The following GRM1 variants were observed in gnomAD, a reference collection of about 807,000 sequenced individuals.
GRM1 encodes the protein glutamate metabotropic receptor 1, also known as metabotropic glutamate receptor 1.
GRM1 carries 33 observed loss-of-function variants against 90.9 expected under a neutral mutation model. The observed-to-expected ratio is 0.36, with a 90% CI of 0.28 to 0.49. The LOEUF is 0.49. Among genes scored for constraint, GRM1 ranks in the 20% least tolerant of loss-of-function variants. The pLI is 0.99. For missense variants in GRM1, 1,190 were observed against 1,534.3 expected (o/e 0.78, Z 3.75); for synonymous variants, 700 against 613.2 (o/e 1.14, Z -2.09).
intron 3 of GRM1, among the ~76,000 whole-genome samples, chr6:146,325,696 G>A (rs1409243697): frequency 6.6e-6 from 1 of 151,994 alleles, no homozygotes; most frequent in Non-Finnish European, 1.5e-5. Context: ...CTATTATTAG[G>A]CATTATACTT....
At chr6:146,306,527 A>C (rs1416240390) in intron 3 of GRM1, among the ~76,000 whole-genome samples, 1 of 152,242 alleles carries the variant, frequency 6.6e-6, no homozygotes, top group Non-Finnish European at 1.5e-5. Context: ...GCCATCTTCA[A>C]CTGTAATATC....
chr6:146,426,695 C>A, intron 7 of GRM1: 1 of 883,614 alleles, frequency 1.1e-6, no homozygotes, highest in African/African-American at 1.6e-5. Context: ...CTTTCTCTCT[C>A]CTGGGTTTTT....
chr6:146,382,294 TATATAAGAG>T lies in GRM1; in HGVS notation c.1603-4587_1603-4579del, dbSNP rs200706208. ...TGTCACTTTGGGGGAAACTAGAACA[TATATAAGAG>T]ATATAAGAACCTAAGATTTAAAAAA... On this transcript the variant is annotated intron_variant, in intron 5 of 7. Coordinates refer to ENST00000282753, the MANE Select transcript of GRM1 (RefSeq NM_001278064.2). Among the ~76,000 whole-genome samples, 369 of 143,532 alleles carry T rather than the reference TATATAAGAG, an allele frequency of 2.6e-3. 8 individuals carry two copies. The East Asian group carries it at 0.029, about 11-fold the overall frequency. 94.2% of individuals were successfully genotyped at this position (143,532 alleles called of 152,430 possible).
intron 2 of GRM1, among the ~76,000 whole-genome samples, chr6:146,270,848 T>TC (rs1562570949): frequency 1.4e-4 from 19 of 136,238 alleles, no homozygotes; most frequent in African/African-American, 5.2e-4. Context: ...CCTTTCTTTC[T>TC]TTTTCTTTCT....
intron 3 of GRM1, among the ~76,000 whole-genome samples, chr6:146,341,953 A>G (rs1784996730): frequency 6.6e-6 from 1 of 152,200 alleles, no homozygotes; most frequent in Admixed American, 6.5e-5. Flanking sequence ...CACTCATTTA[A>G]TTAGAGTCTT....
At chr6:146,147,525 G>A (rs1417749291) in intron 1 of GRM1, among the ~76,000 whole-genome samples, 1 of 152,186 alleles carries the variant, frequency 6.6e-6, no homozygotes, top group Non-Finnish European at 1.5e-5. Context: ...CCTGGACAAA[G>A]TCATACTTTA....
chr6:146,143,644 C>T (rs1188780438), intron 1 of GRM1, among the ~76,000 whole-genome samples: 2 of 151,988 alleles, frequency 1.3e-5, no homozygotes, highest in African/African-American at 4.8e-5. Context: ...TAAGTGGCTG[C>T]ACAACAAATG....
At chr6:146,198,703 A>G (rs940869014) in intron 2 of GRM1, among the ~76,000 whole-genome samples, 7 of 152,328 alleles carry the variant, frequency 4.6e-5, no homozygotes, top group African/African-American at 1.4e-4. Flanking sequence ...CTGAGTATCA[A>G]CTTCAATTCA....
At chr6:146,253,793 T>C (rs150570232) in intron 2 of GRM1, among the ~76,000 whole-genome samples, 1 of 152,310 alleles carries the variant, frequency 6.6e-6, no homozygotes, top group African/African-American at 2.4e-5. Flanking sequence ...AACATTATTC[T>C]GTATGTGAAA....
chr6:146,360,423 C>T (rs563856851), intron 5 of GRM1, among the ~76,000 whole-genome samples: 3 of 151,862 alleles, frequency 2.0e-5, no homozygotes, highest in African/African-American at 4.8e-5. Flanking sequence ...TTGTGTGTAA[C>T]CTTAGGGTCC....
chr6:146,080,777 A>G (rs1354923096), intron 1 of GRM1, among the ~76,000 whole-genome samples: 2 of 152,200 alleles, frequency 1.3e-5, no homozygotes, highest in Non-Finnish European at 2.9e-5. Flanking sequence ...CGGAAGCAAT[A>G]AAGTAGAAGT....
chr6:146,265,557 T>G (rs1454592002), intron 2 of GRM1, among the ~76,000 whole-genome samples: 1 of 152,190 alleles, frequency 6.6e-6, no homozygotes, highest in Non-Finnish European at 1.5e-5. Flanking sequence ...CTATTTTTGT[T>G]TTTTGTTGCA....
chr6:146,143,102 C>G (rs1378152151), intron 1 of GRM1, among the ~76,000 whole-genome samples: 1 of 152,138 alleles, frequency 6.6e-6, no homozygotes, highest in Non-Finnish European at 1.5e-5. Flanking sequence ...GCTCTTTAGT[C>G]AGCAGATAAT....
intron 1 of GRM1, among the ~76,000 whole-genome samples, chr6:146,109,050 GAAAATTT>G (rs1775438872): frequency 6.6e-6 from 1 of 152,100 alleles, no homozygotes; most frequent in Non-Finnish European, 1.5e-5. Context: ...TACAAGTTTG[GAAAATTT>G]GCAGCCTGAC....
chr6:146,123,738 C>G (rs1336621638), intron 1 of GRM1, among the ~76,000 whole-genome samples: 2 of 152,168 alleles, frequency 1.3e-5, no homozygotes, highest in African/African-American at 4.8e-5. Flanking sequence ...AGGTTCAGCT[C>G]TATTCGATTT....
At chr6:146,104,674 T>C (rs1417123239) in intron 1 of GRM1, among the ~76,000 whole-genome samples, 2 of 152,210 alleles carry the variant, frequency 1.3e-5, no homozygotes, top group African/African-American at 4.8e-5. Context: ...GCTCTAGAGA[T>C]GTTCAGCAGG....
At chr6:146,050,171 A>C (rs1187282809) in intron 1 of GRM1, among the ~76,000 whole-genome samples, 1 of 152,036 alleles carries the variant, frequency 6.6e-6, no homozygotes, top group Non-Finnish European at 1.5e-5. Context: ...TCCTGGAGCT[A>C]TATTGCATTC....
At chr6:146,274,014 G>A (rs558867842) in intron 2 of GRM1, among the ~76,000 whole-genome samples, 15 of 152,326 alleles carry the variant, frequency 9.8e-5, no homozygotes, top group African/African-American at 3.6e-4. Flanking sequence ...ATGTATTACA[G>A]AGTCCATCAC....
At chr6:146,395,532 A>G (rs1464125300) in intron 6 of GRM1, among the ~76,000 whole-genome samples, 1 of 152,134 alleles carries the variant, frequency 6.6e-6, no homozygotes, top group South Asian at 2.1e-4. Flanking sequence ...TTGCATTTAA[A>G]CATTTTTCTC....
Sources: allele counts gnomAD v4.1 joint callset (sites outside exome capture counted in the v4.1 genomes callset), GRCh38; gene constraint gnomAD v4.1.1; transcripts MANE v1.5; gene names NCBI Gene and HGNC (gene_info 2026-07-23, HGNC 2026-07-21).